The following ZFYVE9 variants were observed in gnomAD, a reference collection of about 807,000 sequenced individuals.
ZFYVE9 encodes zinc finger FYVE domain-containing protein 9.
ZFYVE9 carries 43 observed loss-of-function variants against 126.7 expected under a neutral mutation model. The ratio of observed to expected loss-of-function variants is 0.34; its 90% CI spans 0.27 to 0.44. The LOEUF is 0.44. ZFYVE9 is among the 20% of genes least tolerant of loss of function. The pLI is 1.00. For missense variants in ZFYVE9, 1,476 were observed against 1,697.0 expected, an observed-to-expected ratio of 0.87 and a Z score of 2.29; for synonymous variants, 521 against 597.4, an observed-to-expected ratio of 0.87 and a Z score of 1.87.
intron 1 of ZFYVE9, among the ~76,000 whole-genome samples, chr1:52,209,031 A>G (rs918688920): frequency 6.6e-6 from 1 of 152,232 alleles, no homozygotes; most frequent in Admixed American, 6.5e-5. Flanking sequence ...TATCCATGGT[A>G]TCATACACTA....
At chr1:52,254,960 G>A (rs1376337491) in intron 4 of ZFYVE9, among the ~76,000 whole-genome samples, 1 of 151,720 alleles carries the variant, frequency 6.6e-6, no homozygotes, top group African/African-American at 2.4e-5. Context: ...GATATGGTAG[G>A]GCATGTCTGT....
intron 13 of ZFYVE9, among the ~76,000 whole-genome samples, chr1:52,326,693 C>CAAAAAAAAAA (rs34479038): frequency 1.9e-5 from 2 of 102,960 alleles, no homozygotes; most frequent in African/African-American, 8.0e-5. Context: ...TACTCAATAC[C>CAAAAAAAAAA]AAAAAAAAAA....
intron 7 of ZFYVE9, among the ~76,000 whole-genome samples, chr1:52,270,636 A>G (rs12072390): frequency 1.3e-5 from 2 of 152,108 alleles, no homozygotes; most frequent in Non-Finnish European, 2.9e-5. Context: ...ATTTTTAAAA[A>G]TCAAGATCTC....
At position 52,242,541 on chromosome 1, in the gene ZFYVE9, CTTT is replaced by C. The variant is rs36041089; in HGVS notation, c.2178+2957_2178+2959del. Among the ~76,000 whole-genome samples the C allele has an allele frequency of 3.5e-5, 5 of 144,748 alleles. No homozygotes were observed. In the South Asian group the frequency reaches 1.1e-3, roughly 32 times the overall value. The allele number at this position is 144,748 out of a possible 152,430, so 95.0% of individuals were successfully genotyped here. On this transcript the variant is annotated intron_variant, in intron 4 of 18. Transcript: ENST00000287727. The stretch of plus-strand genomic sequence containing the variant: ...AATACTGTTTCTTAATGCAGCAGTA[CTTT>C]TTTTTTTTTTAAATCCAGTGCCTTC...
chr1:52,324,585 T>A (rs975888970), intron 13 of ZFYVE9, among the ~76,000 whole-genome samples: 2 of 152,178 alleles, frequency 1.3e-5, no homozygotes, highest in African/African-American at 4.8e-5. Flanking sequence ...GAATTCTCCA[T>A]CCCCTAGACA....
chr1:52,212,362 T>C (rs1485776656), intron 1 of ZFYVE9, among the ~76,000 whole-genome samples: 6 of 152,114 alleles, frequency 3.9e-5, no homozygotes, highest in Non-Finnish European at 8.8e-5. Context: ...CCAGGCTGGT[T>C]TTGAACTCTC....
Position 52,346,382 on chromosome 1 carries a change from G to A in ZFYVE9, c.*161G>A. The A allele has an allele frequency of 1.4e-6, 1 of 725,270 alleles. No homozygotes were observed. Among genetic ancestry groups the A allele is most frequent in the Non-Finnish European group, 2.1e-6 (1 of 485,328 alleles). The allele number at this position is 725,270 out of a possible 1,614,324, so 44.9% of individuals were successfully genotyped here. ...GTTTGGGAGACGGGTGGGAAAGGGT[G>A]GTTGGGGGGACCGATGTTCCATAAT... On this transcript the variant is annotated 3_prime_UTR_variant, in exon 19 of 19. Transcript: ENST00000287727.
At chr1:52,162,872 G>A (rs1327754059) in intron 1 of ZFYVE9, 4 of 477,238 alleles carry the variant, frequency 8.4e-6, no homozygotes, top group African/African-American at 4.0e-5. Flanking sequence ...GATCTTGATC[G>A]AGAATGGGAT....
chr1:52,158,267 T>G (rs1359058593), intron 1 of ZFYVE9, among the ~76,000 whole-genome samples: 1 of 152,234 alleles, frequency 6.6e-6, no homozygotes, highest in African/African-American at 2.4e-5. Flanking sequence ...CCTGGCTAAT[T>G]CTTGCCATTC....
At chr1:52,232,992 C>T (rs936022813) in intron 2 of ZFYVE9, among the ~76,000 whole-genome samples, 179 bp from the exon 3 acceptor site, 1 of 151,914 alleles carries the variant, frequency 6.6e-6, no homozygotes, top group African/African-American at 2.4e-5. Flanking sequence ...TGATTGTCAG[C>T]TTACAGGTTT....
At chr1:52,228,729 C>T (rs1230922417) in intron 2 of ZFYVE9, among the ~76,000 whole-genome samples, 1 of 152,152 alleles carries the variant, frequency 6.6e-6, no homozygotes, top group Admixed American at 6.5e-5. Flanking sequence ...CAATGTGTCA[C>T]CCAATGTATC....
At chr1:52,306,433 G>A (rs916242528) in intron 13 of ZFYVE9, among the ~76,000 whole-genome samples, 1 of 152,090 alleles carries the variant, frequency 6.6e-6, no homozygotes, top group Non-Finnish European at 1.5e-5. Flanking sequence ...CCCACCCCAG[G>A]CCCTCCTCTA....
chr1:52,195,963 T>G (rs1279224295), intron 1 of ZFYVE9, among the ~76,000 whole-genome samples: 1 of 152,048 alleles, frequency 6.6e-6, no homozygotes, highest in African/African-American at 2.4e-5. Flanking sequence ...CAGCTAATTT[T>G]TGTATTTTTT....
At chr1:52,295,516 C>A (rs1557505883) in intron 11 of ZFYVE9, among the ~76,000 whole-genome samples, 1 of 152,184 alleles carries the variant, frequency 6.6e-6, no homozygotes, top group South Asian at 2.1e-4. Flanking sequence ...TGCTACCACA[C>A]CCAGCTAATT....
intron 2 of ZFYVE9, among the ~76,000 whole-genome samples, chr1:52,227,362 G>A (rs1039504171): frequency 1.4e-4 from 3 of 21,762 alleles, no homozygotes; most frequent in African/African-American, 1.1e-3. Context: ...TCCTTCAGGC[G>A]TTGCCTAAGG....
chr1:52,330,941 A>G (rs1049106901), intron 13 of ZFYVE9, among the ~76,000 whole-genome samples: 1 of 152,086 alleles, frequency 6.6e-6, no homozygotes, highest in Non-Finnish European at 1.5e-5. Context: ...ATCTTGGCTC[A>G]CTGCAGCCTC....
intron 13 of ZFYVE9, among the ~76,000 whole-genome samples, chr1:52,328,365 A>T (rs1241824717): frequency 6.6e-6 from 1 of 152,224 alleles, no homozygotes; most frequent in Non-Finnish European, 1.5e-5. Context: ...ACCAAAATGG[A>T]TAGTCAAATA....
chr1:52,294,277 G>A (rs895356898), intron 11 of ZFYVE9, among the ~76,000 whole-genome samples: 1 of 152,202 alleles, frequency 6.6e-6, no homozygotes, highest in African/African-American at 2.4e-5. Flanking sequence ...TATGAGCTCT[G>A]TAACTTTGGG....
intron 4 of ZFYVE9, among the ~76,000 whole-genome samples, chr1:52,240,918 A>G (rs1336938469): frequency 6.6e-6 from 1 of 152,188 alleles, no homozygotes; most frequent in Non-Finnish European, 1.5e-5. Context: ...TGTTGCCTGA[A>G]AAAAAGTGGG....
Sources: gnomAD v4.1 joint callset for allele counts (sites outside exome capture counted in the v4.1 genomes callset) on GRCh38, gnomAD v4.1.1 for gene constraint, MANE v1.5 for transcripts, NCBI Gene and HGNC (gene_info 2026-07-23, HGNC 2026-07-21) for gene names.